TNRC18: variants seen among roughly 807,000 people sequenced by gnomAD.
TNRC18 encodes the protein trinucleotide repeat-containing gene 18 protein.
Under a neutral mutation model 226.7 loss-of-function variants are expected in TNRC18, and 69 were observed. That is an observed-to-expected ratio of 0.30 (90% CI 0.25 to 0.37). TNRC18 has a LOEUF of 0.37. Ranked by LOEUF, TNRC18 falls within the 10% of genes least tolerant of loss-of-function variation. The probability of loss-of-function intolerance (pLI) is 1.00; values close to 1 mark genes in which losing one functional copy is unlikely to be tolerated. For synonymous variants in TNRC18, 2,449 were observed against 1,927.6 expected (o/e 1.27, Z -7.09); for missense variants, 4,754 against 4,256.6 (o/e 1.12, Z -3.25).
chr7:5,399,673 TCCAG>T (rs1780944491), intron 2 of TNRC18, among the ~76,000 whole-genome samples: 1 of 150,862 alleles, frequency 6.6e-6, no homozygotes, highest in Admixed American at 6.6e-5. Flanking sequence ...GCCACTGCAC[TCCAG>T]CCTGGGCAAC....
At chr7:5,371,499 T>C in intron 10 of TNRC18, 135 bp from the exon 11 acceptor site, 1 of 1,170,736 alleles carries the variant, frequency 8.5e-7, no homozygotes, top group Non-Finnish European at 1.1e-6. Flanking sequence ...GGGTGGGAGC[T>C]GTTCTAGGTG....
At chr7:5,391,316 A>AT (rs374504335) in intron 3 of TNRC18, among the ~76,000 whole-genome samples, 2,637 of 144,734 alleles carry the variant, frequency 0.018, 50 homozygotes, top group East Asian at 0.095. Flanking sequence ...AACTATTCAG[A>AT]TTTTTTTTTT....
At chr7:5,422,959 G>C (rs1173421071) in intron 1 of TNRC18, 1 of 152,262 alleles carries the variant, frequency 6.6e-6, no homozygotes, top group Non-Finnish European at 1.5e-5. Flanking sequence ...AGGCGCCCCA[G>C]TTTGGGGAAG....
intron 24 of TNRC18, among the ~76,000 whole-genome samples, chr7:5,319,400 C>A (rs1788134040): frequency 6.6e-6 from 1 of 152,208 alleles, no homozygotes; most frequent in Non-Finnish European, 1.5e-5. Context: ...CTAGGATACA[C>A]TGCTTTTGCA....
rs36114662 is a variant in TNRC18 at position 5,334,297 on chromosome 7, C to CT, written c.5720-1249dup. ...AAAGTGTAATAATCCTATTAATTAA[C>CT]TTTTTTTTTTTTTTCTTGAGACGGA... On this transcript the variant is annotated intron_variant, in intron 18 of 29. Transcript: ENST00000430969. Among the ~76,000 whole-genome samples, 378 of 147,692 alleles carry CT rather than the reference C, an allele frequency of 2.6e-3. 1 individual carries two copies. Among genetic ancestry groups the CT allele is most frequent in the African/African-American group, 7.6e-3 (309 of 40,402 alleles).
At chr7:5,356,612 TG>T (rs1219922541) in intron 16 of TNRC18, among the ~76,000 whole-genome samples, 1 of 152,022 alleles carries the variant, frequency 6.6e-6, no homozygotes, top group Admixed American at 6.5e-5. Context: ...GGTAGGCAAA[TG>T]GCGGGCGGGC....
At position 5,308,020 on chromosome 7, in the gene TNRC18, C is replaced by G. The variant is rs577661391; in HGVS notation, c.*86G>C. On this transcript the variant is annotated 3_prime_UTR_variant, in exon 30 of 30. Transcript: ENST00000430969. ...TGCAGGAGCGCTCGCATGCACACAA[C>G]GCACGTGGTCTCCGCGCCATGGCAG... The G allele has an allele frequency of 3.1e-6, 4 of 1,287,384 alleles. No homozygotes were observed. In the African/African-American group the frequency reaches 5.9e-5, roughly 19 times the overall value. The allele number at this position is 1,287,384 out of a possible 1,614,324, so 79.7% of individuals were successfully genotyped here.
At chr7:5,386,920 C>T (rs1346818648) in intron 5 of TNRC18, among the ~76,000 whole-genome samples, 1 of 151,936 alleles carries the variant, frequency 6.6e-6, no homozygotes, top group African/African-American at 2.4e-5. Flanking sequence ...ACTAAAAACA[C>T]AAAATTAGCC....
Position 5,359,424 on chromosome 7 carries a change from CATG to C in TNRC18, c.4804_4806del (p.His1602del). On this transcript the variant is annotated inframe_deletion, in exon 15 of 30. Coordinates refer to ENST00000430969, the MANE Select transcript of TNRC18 (RefSeq NM_001080495.3). The stretch of plus-strand genomic sequence containing the variant: ...TGACTGATGAAGTCCGACGAGGCCT[CATG>C]TTCATCCCAAGTCTGGTTCCTCCCC... The C allele has an allele frequency of 6.2e-7, 1 of 1,614,034 alleles. No individual in the cohort carries two copies. Among genetic ancestry groups the C allele is most frequent in the Non-Finnish European group, 8.5e-7 (1 of 1,179,894 alleles).
intron 2 of TNRC18, among the ~76,000 whole-genome samples, chr7:5,402,832 C>T (rs1310242227): frequency 1.3e-5 from 2 of 150,782 alleles, no homozygotes; most frequent in Non-Finnish European, 1.5e-5. Context: ...CAAGCCTCGG[C>T]GACAGAGTGA....
chr7:5,314,510 C>T (rs1195832238), intron 26 of TNRC18, among the ~76,000 whole-genome samples: 1 of 151,832 alleles, frequency 6.6e-6, no homozygotes, highest in East Asian at 1.9e-4. Context: ...CCTCAGTTTC[C>T]TCATCTGTCA....
intron 10 of TNRC18, 96 bp from the exon 11 acceptor site, chr7:5,371,460 C>G (rs1346203694): frequency 7.2e-7 from 1 of 1,387,772 alleles, no homozygotes; most frequent in Admixed American, 2.9e-5. Context: ...AGACCCAGGA[C>G]GCAGCCGCCC....
At chr7:5,411,849 G>A (rs948527816) in intron 2 of TNRC18, among the ~76,000 whole-genome samples, 1 of 152,024 alleles carries the variant, frequency 6.6e-6, no homozygotes, top group African/African-American at 2.4e-5. Flanking sequence ...AAACAAAGCA[G>A]CTCATCCAAT....
chr7:5,309,303 C>T lies in TNRC18; in HGVS notation c.8454G>A (p.Met2818Ile), dbSNP rs1786940775. The T allele has an allele frequency of 6.2e-7, 1 of 1,613,904 alleles. No individual in the cohort carries two copies. The highest frequency in any genetic ancestry group is 8.5e-7 in the Non-Finnish European group (1 of 1,179,804). Reference protein sequence around the residue: ...FYKAIVRGKEMIRIGDCAVFL... With the variant: ...FYKAIVRGKEIIRIGDCAVFL... ...ACACGGCACAGTCCCCGATACGGAT[C>T]ATCTCCTTGCCGCGCACGATGGCCT... is the stretch of plus-strand genomic sequence containing the variant. Residue 2818 changes from methionine to isoleucine, a missense_variant, in exon 28 of 30, where the codon ATG (methionine) becomes ATA (isoleucine). Met to Ile is a conservative substitution (Grantham distance 10). Transcript: ENST00000430969. The surrounding 1 kb of genome is among the most constrained non-coding windows in gnomAD (Gnocchi z 5.7).
At position 5,389,043 on chromosome 7, in the gene TNRC18, G is replaced by T. The variant is rs1448301191; in HGVS notation, c.781C>A (p.Arg261Ser). 3 of 1,295,922 alleles carry T rather than the reference G, an allele frequency of 2.3e-6. No individual in the cohort carries two copies. Among genetic ancestry groups the T allele is most frequent in the Non-Finnish European group, 3.0e-6 (3 of 1,012,582 alleles). 80.3% of individuals were successfully genotyped at this position (1,295,922 alleles called of 1,614,324 possible). A position where few individuals can be genotyped will look rare whatever the true frequency, so the allele number is the denominator to read the frequency against. ...GACTCAGCCAGGAAGGGCGACAGGCGCTCAGCCAGGCGCGGGGGCCCCCGG... is the reference window on the plus strand; with the variant it reads ...GACTCAGCCAGGAAGGGCGACAGGCTCTCAGCCAGGCGCGGGGGCCCCCGG... ...QDRGPPRLAERLSPFLAESKT... is the reference protein window; with the variant it reads ...QDRGPPRLAESLSPFLAESKT... Residue 261 changes from arginine (R) to serine (S), a missense_variant, in exon 5 of 30, where the codon CGC (arginine) becomes AGC (serine). By Grantham distance (110) the Arg-to-Ser change is moderately radical. Transcript: ENST00000430969.
intron 2 of TNRC18, among the ~76,000 whole-genome samples, chr7:5,417,646 A>G (rs963703973): frequency 6.6e-6 from 1 of 152,162 alleles, no homozygotes; most frequent in Non-Finnish European, 1.5e-5. Flanking sequence ...CTTGGAAATT[A>G]TTTGCTGAGT....
chr7:5,345,886 G>C, intron 17 of TNRC18, 76 bp from the exon 18 acceptor site: 2 of 1,479,536 alleles, frequency 1.4e-6, no homozygotes, highest in Non-Finnish European at 1.8e-6. Context: ...CCCTGGCCCA[G>C]AGTGGCCTCT....
chr7:5,366,192 G>A (rs1460495824), intron 11 of TNRC18, among the ~76,000 whole-genome samples: 1 of 151,960 alleles, frequency 6.6e-6, no homozygotes, highest in South Asian at 2.1e-4. Flanking sequence ...CTGAGTCCCT[G>A]CCTTTACCCA....
intron 18 of TNRC18, among the ~76,000 whole-genome samples, chr7:5,341,289 G>T (rs1790656990): frequency 6.6e-6 from 1 of 151,640 alleles, no homozygotes; most frequent in South Asian, 2.1e-4. Flanking sequence ...CATGGTGGCG[G>T]GCACCTGTAG....
Sources: allele counts gnomAD v4.1 joint callset (sites outside exome capture counted in the v4.1 genomes callset), GRCh38; gene constraint gnomAD v4.1.1; non-coding constraint Gnocchi (gnomAD v3.1); transcripts MANE v1.5; gene names NCBI Gene and HGNC (gene_info 2026-07-23, HGNC 2026-07-21).